The following EFHC2 variants were observed in gnomAD, a reference collection of about 807,000 sequenced individuals.
EFHC2 encodes the protein EF-hand domain-containing family member C2.
A neutral mutation model predicts 52.7 loss-of-function variants in EFHC2; 18 were observed. That is an observed-to-expected ratio of 0.34 (90% CI 0.24 to 0.51). The LOEUF is 0.51. Ranked by LOEUF, EFHC2 falls within the 20% of genes least tolerant of loss-of-function variation. The probability of loss-of-function intolerance (pLI) is 0.97; values close to 1 mark genes in which losing one functional copy is unlikely to be tolerated. For missense variants in EFHC2, 513 were observed against 562.5 expected, an observed-to-expected ratio of 0.91 and a Z score of 0.89; for synonymous variants, 203 against 204.1, an observed-to-expected ratio of 0.99 and a Z score of 0.04.
chrX:44,207,505 C>T (rs1272541569), intron 11 of EFHC2, among the ~76,000 whole-genome samples: 2 of 107,386 alleles, frequency 1.9e-5, no homozygotes, highest in Non-Finnish European at 3.8e-5. Flanking sequence ...AGTGAGACTC[C>T]GTCTCTAAAA....
intron 2 of EFHC2, chrX:44,284,818 C>G (rs1161602834): frequency 8.9e-6 from 1 of 112,084 alleles, no homozygotes; most frequent in East Asian, 2.8e-4. Flanking sequence ...GTGAAAAAAG[C>G]TCTCCACCTT....
At chrX:44,332,006 C>G (rs2038089748) in intron 1 of EFHC2, among the ~76,000 whole-genome samples, 1 of 109,835 alleles carries the variant, frequency 9.1e-6, no homozygotes. Context: ...TGTACTCTTT[C>G]TTAAGTGAAT....
rs1259914748 is a variant in EFHC2 at position 44,148,322 on chromosome X, G to T, written c.*473C>A. 8.6e-6 allele frequency: 1 copy of T among 116,580 alleles called. No individual in the cohort carries two copies. Among genetic ancestry groups the T allele is most frequent in the Non-Finnish European group, 1.7e-5 (1 of 57,825 alleles). 9.6% of individuals were successfully genotyped at this position (116,580 alleles called of 1,213,427 possible). On this transcript the variant is annotated 3_prime_UTR_variant, in exon 15 of 15. Transcript: ENST00000420999. ...AGATAAATATATTTACTCTAGAGAGGTTTAAGAATTATTTTGATGAGGTGG... is the reference window on the plus strand; with the variant it reads ...AGATAAATATATTTACTCTAGAGAGTTTTAAGAATTATTTTGATGAGGTGG...
At chrX:44,280,198 T>C (rs1226118809) in intron 2 of EFHC2, among the ~76,000 whole-genome samples, 1 of 110,577 alleles carries the variant, frequency 9.0e-6, no homozygotes, top group Non-Finnish European at 1.9e-5. Flanking sequence ...TTACAGAAGA[T>C]CCTAAGTAAA....
chrX:44,319,697 A>G (rs987425966), intron 1 of EFHC2, among the ~76,000 whole-genome samples: 13 of 112,384 alleles, frequency 1.2e-4, no homozygotes, highest in Non-Finnish European at 2.1e-4. Context: ...CTTAGATCAA[A>G]TGATGTGGTT....
intron 12 of EFHC2, among the ~76,000 whole-genome samples, chrX:44,177,182 T>A (rs1281752879): frequency 9.0e-6 from 1 of 111,693 alleles, no homozygotes; most frequent in East Asian, 2.8e-4. Flanking sequence ...AACACCAGGG[T>A]GGAAGGCAGG....
intron 8 of EFHC2, among the ~76,000 whole-genome samples, chrX:44,237,466 G>A (rs2037328807): frequency 9.0e-6 from 1 of 111,229 alleles, no homozygotes; most frequent in Non-Finnish European, 1.9e-5. Context: ...GTTTATTCCC[G>A]TTGTCCCCAA....
At chrX:44,217,206 G>A (rs1260585670) in intron 11 of EFHC2, among the ~76,000 whole-genome samples, 1 of 110,957 alleles carries the variant, frequency 9.0e-6, no homozygotes, top group South Asian at 3.9e-4. Context: ...CTCATATCCC[G>A]AGAGACAGGC....
intron 1 of EFHC2, among the ~76,000 whole-genome samples, chrX:44,321,230 T>C (rs2038018425): frequency 9.0e-6 from 1 of 111,052 alleles, no homozygotes; most frequent in African/African-American, 3.3e-5. Flanking sequence ...GAATGGAGTT[T>C]TAGGTGCTGG....
At chrX:44,331,187 T>C (rs764847334) in intron 1 of EFHC2, among the ~76,000 whole-genome samples, 7 of 111,935 alleles carry the variant, frequency 6.3e-5, no homozygotes, top group Non-Finnish European at 1.3e-4. Context: ...GAACTACTAC[T>C]CAGTAGTAAA....
intron 13 of EFHC2, among the ~76,000 whole-genome samples, chrX:44,172,111 A>G (rs2036750463): frequency 1.8e-5 from 2 of 112,056 alleles, no homozygotes; most frequent in Admixed American, 1.9e-4. Context: ...ATTTTAACTG[A>G]TATTTCTGGA....
chrX:44,278,852 G>A (rs190387844), intron 2 of EFHC2, among the ~76,000 whole-genome samples: 89 of 112,081 alleles, frequency 7.9e-4, no homozygotes, highest in Middle Eastern at 4.6e-3. Context: ...GATCATTTCT[G>A]AAGGCTCCAT....
chrX:44,222,670 G>A (rs1457792532), intron 11 of EFHC2, among the ~76,000 whole-genome samples: 2 of 111,450 alleles, frequency 1.8e-5, no homozygotes, highest in Non-Finnish European at 3.8e-5. Context: ...TCCCTGTTTG[G>A]CTCATGTTGG....
chrX:44,288,603 A>G (rs1048907354), intron 2 of EFHC2, among the ~76,000 whole-genome samples: 1 of 111,624 alleles, frequency 9.0e-6, no homozygotes, highest in Non-Finnish European at 1.9e-5. Context: ...TAGCATAGCT[A>G]TACATTTTAC....
chrX:44,296,159 A>C (rs1339602568), intron 2 of EFHC2, among the ~76,000 whole-genome samples: 1 of 111,392 alleles, frequency 9.0e-6, no homozygotes, highest in African/African-American at 3.3e-5. Flanking sequence ...TAGAGGATGG[A>C]GGTGGAGAAA....
chrX:44,180,364 G>A (rs1409178419), intron 11 of EFHC2, among the ~76,000 whole-genome samples: 1 of 112,217 alleles, frequency 8.9e-6, no homozygotes, highest in Admixed American at 9.4e-5. Flanking sequence ...CCACTCCAAG[G>A]AAAGCCCCTG....
At chrX:44,204,859 G>A (rs779022488) in intron 11 of EFHC2, among the ~76,000 whole-genome samples, 11 of 111,669 alleles carry the variant, frequency 9.9e-5, no homozygotes, top group Non-Finnish European at 1.7e-4. Flanking sequence ...AGGTCAACAT[G>A]CAGATACAAG....
intron 7 of EFHC2, among the ~76,000 whole-genome samples, chrX:44,244,571 C>CAT (rs1390787004): frequency 1.8e-5 from 2 of 112,045 alleles, no homozygotes; most frequent in Admixed American, 9.4e-5. Flanking sequence ...CTTGTCAAAA[C>CAT]ATATATATAT....
intron 8 of EFHC2, among the ~76,000 whole-genome samples, chrX:44,237,465 C>T (rs1266667491): frequency 9.0e-6 from 1 of 111,440 alleles, no homozygotes; most frequent in Admixed American, 9.5e-5. Context: ...TGTTTATTCC[C>T]GTTGTCCCCA....
Sources: gnomAD v4.1 joint callset for allele counts (sites outside exome capture counted in the v4.1 genomes callset) on GRCh38, gnomAD v4.1.1 for gene constraint, MANE v1.5 for transcripts, NCBI Gene and HGNC (gene_info 2026-07-23, HGNC 2026-07-21) for gene names.